Variants in GABRG1 observed in about 807,000 individuals in gnomAD.
The protein encoded by GABRG1 is gamma-aminobutyric acid receptor subunit gamma-1.
GABRG1 carries 49 observed loss-of-function variants against 49.8 expected under a neutral mutation model. The observed-to-expected ratio is 0.98, with a 90% CI of 0.78 to 1.25. The LOEUF is 1.25. GABRG1 is among the 50% of genes most tolerant of loss of function. GABRG1 has a pLI of 0.00. For missense variants in GABRG1, 552 were observed against 552.3 expected, an observed-to-expected ratio of 1.00 and a Z score of 0.01; for synonymous variants, 232 against 185.1, an observed-to-expected ratio of 1.25 and a Z score of -2.06.
rs1287327240 is a variant in GABRG1, at chr4:46,079,528, A to T, written c.321+4458T>A. On this transcript the variant is annotated intron_variant, in intron 3 of 8. Transcript: ENST00000295452. ...AACTGGGATCTAAGTAGTTTTTATTAGTTGTTCCTTGTCCCTCACTTTCAA... is the reference window on the plus strand; with the variant it reads ...AACTGGGATCTAAGTAGTTTTTATTTGTTGTTCCTTGTCCCTCACTTTCAA... 2.6e-5 allele frequency among the ~76,000 whole-genome samples: 4 copies of T among 151,882 alleles called. No homozygotes were observed. The Admixed American group carries it at 2.6e-4, about 10-fold the overall frequency.
chr4:46,117,694 A>G (rs1720951473), intron 1 of GABRG1, among the ~76,000 whole-genome samples: 1 of 144,928 alleles, frequency 6.9e-6, no homozygotes, highest in African/African-American at 2.5e-5. Flanking sequence ...ACATGTATAT[A>G]GCTGTATATA....
chr4:46,093,741 A>T lies in GABRG1; in HGVS notation c.253+3460T>A, dbSNP rs139781294. Reference sequence around the variant, plus strand: ...ATACATCCACTATGTATCCATAAAAATAAAAGTAAAACTTTTTTTAAAAAA... The same window carrying T: ...ATACATCCACTATGTATCCATAAAATTAAAAGTAAAACTTTTTTTAAAAAA... On this transcript the variant is annotated intron_variant, in intron 2 of 8. Coordinates refer to ENST00000295452, the MANE Select transcript of GABRG1 (RefSeq NM_173536.4). 3.5e-4 allele frequency among the ~76,000 whole-genome samples: 53 copies of T among 152,144 alleles called. 4 individuals carry two copies. The East Asian group carries it at 0.01, about 29-fold the overall frequency.
intron 2 of GABRG1, among the ~76,000 whole-genome samples, chr4:46,096,705 T>G (rs115047794): frequency 6.6e-6 from 1 of 150,638 alleles, no homozygotes; most frequent in African/African-American, 2.4e-5. Context: ...AAAAGTGTCC[T>G]TAAAAAAGAC....
intron 3 of GABRG1, among the ~76,000 whole-genome samples, chr4:46,071,530 A>G (rs1227204763): frequency 4.0e-5 from 6 of 151,282 alleles, no homozygotes; most frequent in Non-Finnish European, 8.9e-5. Context: ...ACTGTAAAAC[A>G]TCCTCAGGCA....
At chr4:46,077,046 C>T (rs1719372984) in intron 3 of GABRG1, among the ~76,000 whole-genome samples, 1 of 145,958 alleles carries the variant, frequency 6.9e-6, no homozygotes, top group Non-Finnish European at 1.5e-5. Flanking sequence ...AAAGTAATGA[C>T]ATAGTATATC....
intron 1 of GABRG1, among the ~76,000 whole-genome samples, chr4:46,118,581 A>G (rs1721004114): frequency 6.6e-6 from 1 of 151,104 alleles, no homozygotes; most frequent in African/African-American, 2.4e-5. Flanking sequence ...CTAGTTGAAC[A>G]CTATAGGGCA....
In GABRG1 at chr4:46,040,967, T is replaced by G. The variant is rs190223177; in HGVS notation, c.*21A>C. On this transcript the variant is annotated 3_prime_UTR_variant, in exon 9 of 9. Transcript: ENST00000295452. Reference sequence around the variant, plus strand: ...CTGAATTTAGTCAGACTTCTTTTGATTTTTGCTTATGAAGTAGATTTTATA... The same window carrying G: ...CTGAATTTAGTCAGACTTCTTTTGAGTTTTGCTTATGAAGTAGATTTTATA... 173 of 1,593,816 alleles carry G rather than the reference T, an allele frequency of 1.1e-4. No individual in the cohort carries two copies. In the East Asian group the frequency reaches 3.8e-3, roughly 35 times the overall value.
intron 3 of GABRG1, among the ~76,000 whole-genome samples, chr4:46,067,054 G>A (rs1718946101): frequency 6.6e-6 from 1 of 151,430 alleles, no homozygotes; most frequent in Non-Finnish European, 1.5e-5. Context: ...TTTTCCTGAA[G>A]GAAAATATTT....
chr4:46,047,137 C>T (rs10011135), intron 8 of GABRG1, among the ~76,000 whole-genome samples: 76,221 of 151,594 alleles, frequency 0.5, 19,685 homozygotes, highest in African/African-American at 0.62. Flanking sequence ...ACTTGAAATG[C>T]GACTAGCGCT....
At chr4:46,078,749 T>C (rs1230862439) in intron 3 of GABRG1, among the ~76,000 whole-genome samples, 2 of 151,996 alleles carry the variant, frequency 1.3e-5, no homozygotes, top group Non-Finnish European at 2.9e-5. Flanking sequence ...GAACTGCCTC[T>C]TAAAGCTATT....
chr4:46,053,206 A>G (rs1435454683), intron 7 of GABRG1, among the ~76,000 whole-genome samples: 1 of 151,714 alleles, frequency 6.6e-6, no homozygotes, highest in African/African-American at 2.4e-5. Context: ...TTTTTAATTT[A>G]CTTCCTTTTT....
At chr4:46,048,387 G>T (rs1422764449) in intron 8 of GABRG1, among the ~76,000 whole-genome samples, 2 of 149,558 alleles carry the variant, frequency 1.3e-5, no homozygotes, top group South Asian at 4.2e-4. Context: ...AGGAAGGAAG[G>T]AAGGAAGGAA....
At position 46,038,968 on chromosome 4, in the gene GABRG1, T is replaced by C. The variant is rs902510056; in HGVS notation, c.*2020A>G. The C allele has an allele frequency of 6.6e-6, 1 of 151,716 alleles. No individual in the cohort carries two copies. Among genetic ancestry groups the C allele is most frequent in the Non-Finnish European group, 1.5e-5 (1 of 67,702 alleles). The allele number at this position is 151,716 out of a possible 1,614,324, so 9.4% of individuals were successfully genotyped here. A position where few individuals can be genotyped will look rare whatever the true frequency, so the allele number is the denominator to read the frequency against. On this transcript the variant is annotated 3_prime_UTR_variant, in exon 9 of 9. Transcript: ENST00000295452. ...AGGAAAAGCTATTTATATCAAGCAC[T>C]TTTAAGTATTTTAAAATACAGTCAT...
chr4:46,050,683 AG>A (rs1292070104), intron 8 of GABRG1, among the ~76,000 whole-genome samples: 1 of 151,838 alleles, frequency 6.6e-6, no homozygotes, highest in East Asian at 1.9e-4. Flanking sequence ...GGCACCAAAA[AG>A]GATCCAGGTC....
At chr4:46,061,981 T>C (rs1718709605) in intron 5 of GABRG1, among the ~76,000 whole-genome samples, 3 of 150,860 alleles carry the variant, frequency 2.0e-5, no homozygotes, top group Admixed American at 6.6e-5. Flanking sequence ...ACCCATTAAC[T>C]CATCATTTAG....
chr4:46,083,898 T>C, intron 3 of GABRG1, 88 bp downstream of exon 3: 1 of 757,286 alleles, frequency 1.3e-6, no homozygotes, highest in African/African-American at 1.8e-5. Flanking sequence ...GAATTAACTA[T>C]AAAAAATTAC....
chr4:46,119,487 C>G (rs979624061), intron 1 of GABRG1, among the ~76,000 whole-genome samples: 7 of 151,516 alleles, frequency 4.6e-5, no homozygotes, highest in Admixed American at 3.3e-4. Flanking sequence ...GTTTTTCCAT[C>G]TGTAAAATTG....
chr4:46,091,512 T>C (rs1719989643), intron 2 of GABRG1, among the ~76,000 whole-genome samples: 1 of 152,038 alleles, frequency 6.6e-6, no homozygotes, highest in South Asian at 2.1e-4. Flanking sequence ...TAAAATAACT[T>C]CTGTTAATAA....
Position 46,123,923 on chromosome 4 carries a change from T to A in GABRG1, c.-10A>T, listed in dbSNP as rs1199806725. 3.1e-6 allele frequency: 5 copies of A among 1,604,020 alleles called. No homozygotes were observed. The highest frequency in any genetic ancestry group is 1.3e-5 in the African/African-American group (1 of 74,688). ...CTTTCAAAGGACCCATCGGAATCGCTTTTTTACGTGTGCTGCACTAGCTCA... is the reference window on the plus strand; with the variant it reads ...CTTTCAAAGGACCCATCGGAATCGCATTTTTACGTGTGCTGCACTAGCTCA... On this transcript the variant is annotated 5_prime_UTR_variant, in exon 1 of 9. The change creates a new upstream start codon in the 5' untranslated region. Coordinates refer to ENST00000295452, the MANE Select transcript of GABRG1 (RefSeq NM_173536.4).
Sources: allele counts gnomAD v4.1 joint callset (sites outside exome capture counted in the v4.1 genomes callset), GRCh38; gene constraint gnomAD v4.1.1; transcripts MANE v1.5; gene names NCBI Gene and HGNC (gene_info 2026-07-23, HGNC 2026-07-21).